The following ABCB10 variants were observed in gnomAD, a reference collection of about 807,000 sequenced individuals.
ABCB10 encodes the protein ATP-binding cassette sub-family B member 10, mitochondrial.
ABCB10 carries 54 observed loss-of-function variants against 65.4 expected under a neutral mutation model. The observed-to-expected ratio is 0.83, with a 90% CI of 0.66 to 1.04. The LOEUF (loss-of-function observed/expected upper bound fraction) is 1.04. Among genes scored for constraint, ABCB10 ranks in the 50% least tolerant of loss-of-function variants. The pLI, the probability that ABCB10 is intolerant of heterozygous loss-of-function variation, is 0.00. For missense variants in ABCB10, 846 were observed against 976.6 expected (o/e 0.87, Z 1.78); for synonymous variants, 418 against 406.5 (o/e 1.03, Z -0.34).
At chr1:229,549,761 CTT>C (rs36058471) in intron 1 of ABCB10, 33,805 of 263,582 alleles carry the variant, frequency 0.13, 2,794 homozygotes, top group East Asian at 0.28. Context: ...CTCCCCATCT[CTT>C]GATTTTGGTG....
intron 6 of ABCB10, among the ~76,000 whole-genome samples, chr1:229,537,023 T>C (rs1291496744): frequency 6.6e-6 from 1 of 151,928 alleles, no homozygotes; most frequent in Non-Finnish European, 1.5e-5. Flanking sequence ...AATATTATGC[T>C]AAGTGTAAGA....
At position 229,547,599 on chromosome 1, in the gene ABCB10, C is replaced by T. The variant is rs540465563; in HGVS notation, c.821G>A (p.Arg274His). 1.4e-5 allele frequency: 23 copies of T among 1,614,132 alleles called. No homozygotes were observed. The South Asian group carries it at 1.9e-4, about 13-fold the overall frequency. The change falls in exon 3 of 13, where the codon CGC (arginine) becomes CAC (histidine). Residue 274 changes from arginine (R) to histidine (H), a missense_variant. Transcript: ENST00000344517. ...CAGGAGTGCAGTGTCTGATGAGAGG[C>T]GGTTAATCAATTCTCCTGTGCGAGT... is the stretch of plus-strand genomic sequence containing the variant. Reference protein sequence around the residue: ...DKTRTGELINRLSSDTALLGR... With the variant: ...DKTRTGELINHLSSDTALLGR...
intron 6 of ABCB10, among the ~76,000 whole-genome samples, chr1:229,534,005 AAT>A (rs1662646094): frequency 6.6e-6 from 1 of 152,222 alleles, no homozygotes; most frequent in Non-Finnish European, 1.5e-5. Context: ...ACTGGAAGAA[AAT>A]ATCTGTAAAA....
intron 2 of ABCB10, among the ~76,000 whole-genome samples, chr1:229,548,730 T>C (rs1227937014): frequency 1.3e-5 from 2 of 151,612 alleles, no homozygotes; most frequent in African/African-American, 4.9e-5. Flanking sequence ...TGGTATGATC[T>C]GGGCTCACTG....
intron 6 of ABCB10, among the ~76,000 whole-genome samples, chr1:229,534,011 T>C (rs1662646303): frequency 1.3e-5 from 2 of 152,208 alleles, no homozygotes; most frequent in African/African-American, 4.8e-5. Flanking sequence ...AGAAAATATC[T>C]GTAAAAGACC....
At chr1:229,546,448 C>T (rs1300152721) in intron 3 of ABCB10, among the ~76,000 whole-genome samples, 1 of 151,932 alleles carries the variant, frequency 6.6e-6, no homozygotes, top group African/African-American at 2.4e-5. Flanking sequence ...GTGTCCCAAC[C>T]CCTGCATTGT....
intron 1 of ABCB10, among the ~76,000 whole-genome samples, chr1:229,550,799 G>A (rs567874830): frequency 2.0e-5 from 3 of 151,918 alleles, no homozygotes; most frequent in Admixed American, 6.6e-5. Context: ...AGGAGGTGGA[G>A]GTTGCAGTGA....
At chr1:229,533,060 G>A (rs1268602394) in intron 6 of ABCB10, among the ~76,000 whole-genome samples, 2 of 152,036 alleles carry the variant, frequency 1.3e-5, no homozygotes, top group African/African-American at 4.8e-5. Flanking sequence ...TCCTGCCTTG[G>A]CCTCCCAAAG....
chr1:229,552,038 TCA>T (rs941552512), intron 1 of ABCB10, among the ~76,000 whole-genome samples: 2 of 152,230 alleles, frequency 1.3e-5, no homozygotes, highest in Non-Finnish European at 2.9e-5. Context: ...AGTCTTGTTC[TCA>T]CATAGTAATA....
chr1:229,541,706 A>G (rs1662850319), intron 4 of ABCB10, among the ~76,000 whole-genome samples: 3 of 152,196 alleles, frequency 2.0e-5, no homozygotes, highest in African/African-American at 7.2e-5. Context: ...CCGGGACGCC[A>G]AGGTGGGAGG....
At chr1:229,537,613 C>A (rs1446191593) in intron 6 of ABCB10, among the ~76,000 whole-genome samples, 1 of 152,012 alleles carries the variant, frequency 6.6e-6, no homozygotes, top group Non-Finnish European at 1.5e-5. Context: ...ATGGTGAAAC[C>A]CCGTCTCTAT....
chr1:229,526,173 A>G, intron 9 of ABCB10, 57 bp from the exon 10 acceptor site: 1 of 1,518,244 alleles, frequency 6.6e-7, no homozygotes, highest in Non-Finnish European at 9.0e-7. Flanking sequence ...AACATGTCTA[A>G]TAAATTTAGA....
In ABCB10 at chr1:229,517,635, T is replaced by C. The variant is rs1662206323; in HGVS notation, c.*544A>G. ...CTTTGAAGACACAGGAGATGGGCAA[T>C]ATAAATGTTCCCTTCTTTCCAGCTG... On this transcript the variant is annotated 3_prime_UTR_variant, in exon 13 of 13. Coordinates refer to ENST00000344517, the MANE Select transcript of ABCB10 (RefSeq NM_012089.3). 1 of 153,506 alleles carries C rather than the reference T, an allele frequency of 6.5e-6. No homozygotes were observed. The highest frequency in any genetic ancestry group is 1.4e-5 in the Non-Finnish European group (1 of 69,068). 9.5% of individuals were successfully genotyped at this position (153,506 alleles called of 1,614,324 possible). A position where few individuals can be genotyped will look rare whatever the true frequency, so the allele number is the denominator to read the frequency against.
rs1663310130 is a variant in ABCB10, at chr1:229,558,220, C to T, written c.433G>A (p.Gly145Arg). Residue 145 changes from glycine to arginine, a missense_variant, in exon 1 of 13, where the codon GGG becomes AGG. Gly to Arg is a moderately radical substitution (Grantham distance 125, BLOSUM62 -2). Around this residue, in one of 2 missense-constraint regions of ABCB10, gnomAD observed 632 missense variants for 803.2 expected, o/e 0.79. Transcript: ENST00000344517. ...RGPAAPPGDKGRLRPAAAGLP... is the reference protein window; with the variant it reads ...RGPAAPPGDKRRLRPAAAGLP... ...CCGGCCGCTGCGGGGCGCAGCCGCCCCTTGTCCCCGGGAGGCGCCGCCGGC... is the reference window on the plus strand; with the variant it reads ...CCGGCCGCTGCGGGGCGCAGCCGCCTCTTGTCCCCGGGAGGCGCCGCCGGC... The T allele has an allele frequency of 2.7e-5, 38 of 1,388,876 alleles. No homozygotes were observed. Among genetic ancestry groups the T allele is most frequent in the Non-Finnish European group, 3.4e-5 (36 of 1,072,662 alleles). The allele number at this position is 1,388,876 out of a possible 1,614,324, so 86.0% of individuals were successfully genotyped here.
chr1:229,534,723 T>A (rs1188747397), intron 6 of ABCB10, among the ~76,000 whole-genome samples: 1 of 151,122 alleles, frequency 6.6e-6, no homozygotes, highest in East Asian at 2.0e-4. Flanking sequence ...ACAAAAAAAA[T>A]AGCTGGACGC....
intron 3 of ABCB10, among the ~76,000 whole-genome samples, chr1:229,544,193 C>A (rs1023712873): frequency 1.3e-5 from 2 of 152,046 alleles, no homozygotes; most frequent in African/African-American, 4.8e-5. Context: ...GCAGGCGGAT[C>A]GCTTGAGCCC....
rs1662199288 is a variant in ABCB10, at chr1:229,517,352, CAG to C, written c.*825_*826del. 1 of 152,254 alleles carries C rather than the reference CAG, an allele frequency of 6.6e-6. No homozygotes were observed. The highest frequency in any genetic ancestry group is 6.5e-5 in the Admixed American group (1 of 15,282). 9.4% of individuals were successfully genotyped at this position (152,254 alleles called of 1,614,324 possible). On this transcript the variant is annotated 3_prime_UTR_variant, in exon 13 of 13. Transcript: ENST00000344517. The stretch of plus-strand genomic sequence containing the variant: ...TTGTCTTGAAATTATAAATTTGTAA[CAG>C]ATATTTTTCAAAATACATGCCTTCA...
At chr1:229,529,433 G>A (rs1662527153) in intron 8 of ABCB10, among the ~76,000 whole-genome samples, 1 of 149,686 alleles carries the variant, frequency 6.7e-6, no homozygotes, top group African/African-American at 2.5e-5. Context: ...CACTTTGGGA[G>A]GCCAAGGCGG....
chr1:229,528,094 G>A (rs1474969393), intron 8 of ABCB10, among the ~76,000 whole-genome samples: 2 of 152,160 alleles, frequency 1.3e-5, no homozygotes, highest in African/African-American at 4.8e-5. Context: ...CATAAGAAAT[G>A]CCATTTCTTC....
Sources: allele counts gnomAD v4.1 joint callset (sites outside exome capture counted in the v4.1 genomes callset), GRCh38; gene constraint gnomAD v4.1.1; regional missense constraint gnomAD v4.1.1; transcripts MANE v1.5; gene names NCBI Gene and HGNC (gene_info 2026-07-23, HGNC 2026-07-21).